FARP1: variants seen among roughly 807,000 people sequenced by gnomAD.
FARP1 encodes FERM, ARH/RhoGEF and pleckstrin domain protein 1, also known as FERM, ARHGEF and pleckstrin domain-containing protein 1.
Under a neutral mutation model 128.8 loss-of-function variants are expected in FARP1, and 52 were observed. The ratio of observed to expected loss-of-function variants is 0.40; its 90% CI spans 0.32 to 0.51. FARP1 has a LOEUF of 0.51. Ranked by LOEUF, FARP1 falls within the 20% of genes least tolerant of loss-of-function variation. The pLI, the probability that FARP1 is intolerant of heterozygous loss-of-function variation, is 0.45. For missense variants in FARP1, 1,333 were observed against 1,367.9 expected, an observed-to-expected ratio of 0.97 and a Z score of 0.40; for synonymous variants, 580 against 551.8, an observed-to-expected ratio of 1.05 and a Z score of -0.72.
chr13:98,269,198 G>A (rs533199420), intron 2 of FARP1, among the ~76,000 whole-genome samples: 2 of 152,148 alleles, frequency 1.3e-5, no homozygotes, highest in African/African-American at 2.4e-5. Flanking sequence ...CCTTCCCTCA[G>A]TCAGTCAACC....
At chr13:98,280,258 T>C (rs1012678556) in intron 2 of FARP1, among the ~76,000 whole-genome samples, 1 of 152,186 alleles carries the variant, frequency 6.6e-6, no homozygotes, top group African/African-American at 2.4e-5. Flanking sequence ...CCGGGATCAA[T>C]TCCCCCATGC....
chr13:98,436,288 T>C (rs374591704), intron 19 of FARP1, among the ~76,000 whole-genome samples: 142 of 152,216 alleles, frequency 9.3e-4, no homozygotes, highest in African/African-American at 3.3e-3. Flanking sequence ...CAACAGGGCT[T>C]CCCGCACACA....
intron 6 of FARP1, among the ~76,000 whole-genome samples, chr13:98,379,382 C>A (rs970308860): frequency 4.6e-5 from 7 of 150,674 alleles, no homozygotes; most frequent in African/African-American, 1.7e-4. Context: ...TTTGTTCTCC[C>A]CTCTTCATAA....
chr13:98,271,761 A>G (rs1262581676), intron 2 of FARP1, among the ~76,000 whole-genome samples: 2 of 152,210 alleles, frequency 1.3e-5, no homozygotes, highest in Non-Finnish European at 2.9e-5. Flanking sequence ...TTAAGGCTGC[A>G]TAGTATTTAT....
chr13:98,351,641 AAAG>A (rs1888434302), intron 3 of FARP1, among the ~76,000 whole-genome samples: 1 of 151,986 alleles, frequency 6.6e-6, no homozygotes, highest in Non-Finnish European at 1.5e-5. Context: ...GAAAAAAAGA[AAAG>A]AGGTTTAATT....
At chr13:98,218,395 G>A (rs1189757665) in intron 2 of FARP1, among the ~76,000 whole-genome samples, 1 of 152,104 alleles carries the variant, frequency 6.6e-6, no homozygotes, top group Non-Finnish European at 1.5e-5. Context: ...GCAAAATTAG[G>A]CACTGGGGCC....
At chr13:98,189,136 C>G (rs1879071225) in intron 1 of FARP1, among the ~76,000 whole-genome samples, 1 of 152,152 alleles carries the variant, frequency 6.6e-6, no homozygotes, top group African/African-American at 2.4e-5. Context: ...GGAATGTACT[C>G]CTTAACAAGG....
At chr13:98,367,872 T>C (rs1342257890) in intron 4 of FARP1, among the ~76,000 whole-genome samples, 2 of 152,142 alleles carry the variant, frequency 1.3e-5, no homozygotes, top group South Asian at 4.1e-4. Flanking sequence ...AGAGAAAAAA[T>C]TTAATAGCTC....
chr13:98,400,919 A>G (rs1258550772), intron 13 of FARP1: 2 of 152,214 alleles, frequency 1.3e-5, no homozygotes, highest in South Asian at 4.1e-4. Flanking sequence ...GTAGTGTTCC[A>G]TTATTGGAAC....
chr13:98,207,371 A>G (rs1250830076), intron 1 of FARP1, among the ~76,000 whole-genome samples: 1 of 152,154 alleles, frequency 6.6e-6, no homozygotes, highest in African/African-American at 2.4e-5. Context: ...ATTAGAATAT[A>G]TATTTATCTG....
intron 2 of FARP1, among the ~76,000 whole-genome samples, chr13:98,287,978 T>C (rs1885272420): frequency 6.6e-6 from 1 of 151,992 alleles, no homozygotes; most frequent in African/African-American, 2.4e-5. Flanking sequence ...ATTTTTGTAA[T>C]TTTAGTAGAG....
At chr13:98,313,211 C>T (rs2139754275) in intron 2 of FARP1, among the ~76,000 whole-genome samples, 1 of 146,344 alleles carries the variant, frequency 6.8e-6, no homozygotes, top group East Asian at 2.0e-4. Flanking sequence ...TACACACACA[C>T]ACATACACTC....
At chr13:98,154,847 G>C (rs1461455636) in intron 1 of FARP1, among the ~76,000 whole-genome samples, 1 of 152,138 alleles carries the variant, frequency 6.6e-6, no homozygotes, top group East Asian at 1.9e-4. Flanking sequence ...ATTATCTTTT[G>C]CAGTTTCTGT....
intron 1 of FARP1, among the ~76,000 whole-genome samples, chr13:98,206,847 A>G (rs909603114): frequency 1.3e-5 from 2 of 152,228 alleles, no homozygotes; most frequent in African/African-American, 4.8e-5. Flanking sequence ...TAATCACTTT[A>G]GTAATAAGGT....
chr13:98,266,055 AT>A lies in FARP1; in HGVS notation c.171+52651del, dbSNP rs368073040. Among the ~76,000 whole-genome samples the A allele has an allele frequency of 5.7e-3, 855 of 150,634 alleles. 8 individuals carry two copies. The highest frequency in any genetic ancestry group is 0.02 in the African/African-American group (809 of 41,044). On this transcript the variant is annotated intron_variant, in intron 2 of 26. Transcript: ENST00000319562. ...GGACTTGAAAGCGCTTTTTTTTCCC[AT>A]TTTTTTTTCCTAGAGTGACTGAATA...
chr13:98,296,910 C>T (rs569819680), intron 2 of FARP1, among the ~76,000 whole-genome samples: 29 of 152,236 alleles, frequency 1.9e-4, no homozygotes, highest in African/African-American at 7.0e-4. Flanking sequence ...GTTTCAAACT[C>T]CTGAGCTCAA....
chr13:98,190,733 GT>G (rs5806053), intron 1 of FARP1, among the ~76,000 whole-genome samples: 79,409 of 130,938 alleles, frequency 0.61, 24,966 homozygotes, highest in Non-Finnish European at 0.73. Context: ...AGCTTTTTAA[GT>G]TTTTTTTTTT....
In FARP1 at chr13:98,226,580, G is replaced by C. The variant is rs1172121470; in HGVS notation, c.171+13167G>C. On this transcript the variant is annotated intron_variant, in intron 2 of 26. Coordinates refer to ENST00000319562, the MANE Select transcript of FARP1 (RefSeq NM_005766.4). Reference sequence around the variant, plus strand: ...CCGTTTGAAAAATGGCTGTGCTGTTGACTGCTGCTGTGACTTCTAGCTGTG... The same window carrying C: ...CCGTTTGAAAAATGGCTGTGCTGTTCACTGCTGCTGTGACTTCTAGCTGTG... 2.0e-5 allele frequency among the ~76,000 whole-genome samples: 3 copies of C among 151,440 alleles called. 1 individual carries two copies. In the South Asian group the frequency reaches 6.3e-4, roughly 32 times the overall value.
intron 3 of FARP1, among the ~76,000 whole-genome samples, chr13:98,363,334 C>T (rs1339042922): frequency 3.3e-5 from 5 of 152,164 alleles, no homozygotes; most frequent in Non-Finnish European, 7.3e-5. Flanking sequence ...GAAGATTGCT[C>T]CCTACCTCTG....
Sources: allele counts gnomAD v4.1 joint callset (sites outside exome capture counted in the v4.1 genomes callset), GRCh38; gene constraint gnomAD v4.1.1; transcripts MANE v1.5; gene names NCBI Gene and HGNC (gene_info 2026-07-23, HGNC 2026-07-21).